UBR1: variants seen among roughly 807,000 people sequenced by gnomAD.
UBR1 encodes ubiquitin protein ligase E3 component n-recognin 1, also known as E3 ubiquitin-protein ligase UBR1.
Under a neutral mutation model 242.1 loss-of-function variants are expected in UBR1, and 102 were observed. The ratio of observed to expected loss-of-function variants is 0.42; its 90% CI spans 0.36 to 0.50. The LOEUF is 0.50. Among genes scored for constraint, UBR1 ranks in the 20% least tolerant of loss-of-function variants. UBR1 has a pLI of 0.01. For missense variants in UBR1, 1,772 were observed against 2,101.8 expected, an observed-to-expected ratio of 0.84 and a Z score of 3.07; for synonymous variants, 675 against 684.8, an observed-to-expected ratio of 0.99 and a Z score of 0.22.
In UBR1 at chr15:43,105,953, G is replaced by A; in HGVS notation, c.70C>T (p.Arg24Cys). The A allele has an allele frequency of 6.2e-7, 1 of 1,613,944 alleles. No individual in the cohort carries two copies. The highest frequency in any genetic ancestry group is 1.3e-5 in the African/African-American group (1 of 75,030). The change falls in exon 1 of 47, where the codon CGT becomes TGT. Residue 24 changes from arginine (R) to cysteine (C), a missense_variant. By Grantham distance (180) the Arg-to-Cys change is radical (BLOSUM62 -3). This residue lies in a region of UBR1 where 734 missense variants were observed against 893.3 expected (regional missense o/e 0.82). Coordinates refer to ENST00000290650, the MANE Select transcript of UBR1 (RefSeq NM_174916.3). The part of the protein sequence containing the change: ...ISAELPQTPQ[R>C]LASWWDQQVD... ...CTATAGGGACTTACAGATGCCAGACGCTGAGGGGTCTGGGGTAACTCCGCG... is the reference window on the plus strand; with the variant it reads ...CTATAGGGACTTACAGATGCCAGACACTGAGGGGTCTGGGGTAACTCCGCG...
intron 37 of UBR1, among the ~76,000 whole-genome samples, chr15:42,981,709 C>A (rs2032381593): frequency 6.6e-6 from 1 of 152,116 alleles, no homozygotes; most frequent in Non-Finnish European, 1.5e-5. Flanking sequence ...CCAGGATGGT[C>A]TCGACCTCCT....
Position 42,964,042 on chromosome 15 carries a change from A to G in UBR1, c.4593T>C (p.Asn1531=), listed in dbSNP as rs1411953866. The part of the protein sequence containing the change: ...GVTPPEELHT[N]SAEGEYSALC... ...GTGCACTGTACTCTCCTTCTGCAGA[A>G]TCTGCAAGAGAATAAAAATACATTT... Residue 1531 remains asparagine (N), a splice_region_variant and synonymous_variant, in exon 42 of 47, where the codon AAT becomes AAC. Coordinates refer to ENST00000290650, the MANE Select transcript of UBR1 (RefSeq NM_174916.3). 2 of 1,600,572 alleles carry G rather than the reference A, an allele frequency of 1.2e-6. No homozygotes were observed.
chr15:43,066,793 T>C (rs1172237950), intron 6 of UBR1, among the ~76,000 whole-genome samples: 1 of 152,150 alleles, frequency 6.6e-6, no homozygotes, highest in Non-Finnish European at 1.5e-5. Flanking sequence ...ATTGTTTTGT[T>C]TTAGTTTTTT....
intron 43 of UBR1, among the ~76,000 whole-genome samples, chr15:42,958,641 A>G (rs2141253800): frequency 6.6e-6 from 1 of 152,306 alleles, no homozygotes; most frequent in East Asian, 1.9e-4. Context: ...AAACATATAG[A>G]GCGGTTGAGG....
At chr15:43,097,837 A>G (rs2034179478) in intron 1 of UBR1, among the ~76,000 whole-genome samples, 1 of 152,188 alleles carries the variant, frequency 6.6e-6, no homozygotes, top group Non-Finnish European at 1.5e-5. Context: ...AGAGCACTAA[A>G]ACTTTTTCCA....
rs575865929 is a variant in UBR1, at chr15:43,036,113, AAT to A, written c.2190+63_2190+64del. 2.5e-4 allele frequency: 344 copies of A among 1,367,498 alleles called. 2 individuals carry two copies. In the African/African-American group the frequency reaches 4.6e-3, roughly 18 times the overall value. The allele number at this position is 1,367,498 out of a possible 1,614,324, so 84.7% of individuals were successfully genotyped here. The stretch of plus-strand genomic sequence containing the variant: ...ATATGGCTAAATATGACTGAAATAA[AAT>A]ATGACTGAAATAGTAACAATATTTC... On this transcript the variant is annotated intron_variant, in intron 19 of 46. Transcript: ENST00000290650.
chr15:43,058,553 T>C (rs1319750861), intron 9 of UBR1, 124 bp from the exon 10 acceptor site: 10 of 648,100 alleles, frequency 1.5e-5, no homozygotes, highest in Non-Finnish European at 2.8e-5. Flanking sequence ...AGACCTCAAA[T>C]AGTATTTATT....
chr15:43,102,754 T>A (rs2034252735), intron 1 of UBR1, among the ~76,000 whole-genome samples: 1 of 152,094 alleles, frequency 6.6e-6, no homozygotes, highest in Non-Finnish European at 1.5e-5. Flanking sequence ...TCCACGTTCT[T>A]ACCTCATTCT....
At chr15:42,973,337 C>T (rs1446107434) in intron 39 of UBR1, among the ~76,000 whole-genome samples, 2 of 152,092 alleles carry the variant, frequency 1.3e-5, no homozygotes, top group African/African-American at 4.8e-5. Context: ...TGTTCCGTTG[C>T]CAGGATGGAG....
Position 43,094,809 on chromosome 15 carries a change from T to C in UBR1, c.82-8569A>G, listed in dbSNP as rs143773642. On this transcript the variant is annotated intron_variant, in intron 1 of 46. Coordinates refer to ENST00000290650, the MANE Select transcript of UBR1 (RefSeq NM_174916.3). The stretch of plus-strand genomic sequence containing the variant: ...GTCTGTAAATATGATAAGTCTTCTA[T>C]GCCTTTATGGCATTGATAAAATAAG... Among the ~76,000 whole-genome samples, 525 of 152,378 alleles carry C rather than the reference T, an allele frequency of 3.4e-3. 2 individuals are homozygous for C. The highest frequency in any genetic ancestry group is 0.012 in the African/African-American group (499 of 41,586).
chr15:42,977,101 T>C (rs2032303556), intron 38 of UBR1, among the ~76,000 whole-genome samples: 1 of 152,192 alleles, frequency 6.6e-6, no homozygotes, highest in East Asian at 1.9e-4. Context: ...CTACTTATTG[T>C]AGGTCTAGGT....
Position 42,988,841 on chromosome 15 carries a change from G to A in UBR1, c.3975C>T (p.Cys1325=), listed in dbSNP as rs772967897. 9.9e-6 allele frequency: 16 copies of A among 1,614,056 alleles called. No homozygotes were observed. Among genetic ancestry groups the A allele is most frequent in the South Asian group, 7.7e-5 (7 of 91,092 alleles). Residue 1325 remains cysteine (C), a synonymous_variant, in exon 35 of 47, where the codon TGC becomes TGT. Coordinates refer to ENST00000290650, the MANE Select transcript of UBR1 (RefSeq NM_174916.3). ...TACCAATTGCCTGGATAGTGAAAGC[G>A]CAGGTGCTCCAGGTCAGCATGGGGA... ...PRVPMLTWST[C]AFTIQAIENL... is the part of the protein sequence containing the mutation.
At chr15:43,083,100 T>C (rs989379493) in intron 2 of UBR1, among the ~76,000 whole-genome samples, 1 of 152,250 alleles carries the variant, frequency 6.6e-6, no homozygotes, top group Admixed American at 6.5e-5. Flanking sequence ...AAAAGCTGAT[T>C]GCTCATTGTT....
At chr15:43,008,565 C>T (rs1050670457) in intron 29 of UBR1, among the ~76,000 whole-genome samples, 1 of 152,204 alleles carries the variant, frequency 6.6e-6, no homozygotes, top group Non-Finnish European at 1.5e-5. Context: ...ATGTTGATGG[C>T]GGCAGGAGGC....
intron 3 of UBR1, among the ~76,000 whole-genome samples, chr15:43,079,830 T>C (rs8036710): frequency 0.86 from 130,641 of 152,242 alleles, 56,164 homozygotes; most frequent in Non-Finnish European, 0.89. Flanking sequence ...GGTATTCAGG[T>C]AAAAGATGAG....
intron 1 of UBR1, among the ~76,000 whole-genome samples, chr15:43,089,509 A>T (rs2034082631): frequency 6.6e-6 from 1 of 152,178 alleles, no homozygotes; most frequent in Non-Finnish European, 1.5e-5. Flanking sequence ...AAAAATAAAT[A>T]AATAAATAAA....
intron 1 of UBR1, among the ~76,000 whole-genome samples, chr15:43,095,161 G>C (rs1220635160): frequency 1.3e-5 from 2 of 152,152 alleles, no homozygotes; most frequent in Non-Finnish European, 2.9e-5. Flanking sequence ...GGCAGAACAT[G>C]TGTGTATTTT....
At chr15:42,988,218 C>T (rs2032503621) in intron 35 of UBR1, among the ~76,000 whole-genome samples, 1 of 151,832 alleles carries the variant, frequency 6.6e-6, no homozygotes, top group Admixed American at 6.6e-5. Context: ...TTCCTTGAAC[C>T]TCTATAACTT....
intron 36 of UBR1, among the ~76,000 whole-genome samples, 193 bp from the exon 37 acceptor site, chr15:42,984,186 C>G (rs1305571022): frequency 6.6e-6 from 1 of 152,120 alleles, no homozygotes; most frequent in South Asian, 2.1e-4. Flanking sequence ...TGCTAAATTT[C>G]TAATAGATTT....
Sources: gnomAD v4.1 joint callset for allele counts (sites outside exome capture counted in the v4.1 genomes callset) on GRCh38, gnomAD v4.1.1 for gene constraint, gnomAD v4.1.1 regional missense constraint, MANE v1.5 for transcripts, NCBI Gene and HGNC (gene_info 2026-07-23, HGNC 2026-07-21) for gene names.